The following SIPA1L3 variants were observed in gnomAD, a reference collection of about 807,000 sequenced individuals.
SIPA1L3 encodes the protein signal induced proliferation associated 1 like 3.
In SIPA1L3, 59 loss-of-function variants were observed where a neutral mutation model predicts 150.1. The ratio of observed to expected loss-of-function variants is 0.39; its 90% confidence interval spans 0.32 to 0.49. SIPA1L3 has a LOEUF of 0.49. SIPA1L3 is among the 20% of genes least tolerant of loss of function. The pLI, the probability that SIPA1L3 is intolerant of heterozygous loss-of-function variation, is 0.86. For synonymous variants in SIPA1L3, 1,070 were observed against 1,077.6 expected (o/e 0.99, Z 0.14); for missense variants, 2,211 against 2,489.5 (o/e 0.89, Z 2.38).
intron 1 of SIPA1L3, among the ~76,000 whole-genome samples, chr19:37,929,682 C>A (rs2046535830): frequency 6.6e-6 from 1 of 152,174 alleles, no homozygotes; most frequent in Admixed American, 6.5e-5. Flanking sequence ...TCCTCCTACC[C>A]TTCCTTGCAA....
In SIPA1L3 at chr19:38,194,354, C is replaced by G. The variant is rs553648493; in HGVS notation, c.4840+574C>G. Among the ~76,000 whole-genome samples the G allele has an allele frequency of 1.2e-3, 185 of 150,566 alleles. 3 individuals carry two copies. Among genetic ancestry groups the G allele is most frequent in the East Asian group, 8.2e-3 (41 of 4,986 alleles). On this transcript the variant is annotated intron_variant, in intron 18 of 21. Coordinates refer to ENST00000222345, the MANE Select transcript of SIPA1L3 (RefSeq NM_015073.3). ...GCCCCAGATGCACCCTGTAACCCCC[C>G]TTACCCACCTCCTAACCCCCCCACA...
intron 14 of SIPA1L3, 152 bp downstream of exon 14, chr19:38,162,523 C>T (rs1220777589): frequency 1.5e-6 from 1 of 647,808 alleles, no homozygotes; most frequent in Non-Finnish European, 2.8e-6. Flanking sequence ...CAACCAGGTT[C>T]ACATTCTGGC....
intron 9 of SIPA1L3, 140 bp downstream of exon 9, chr19:38,120,022 A>C: frequency 1.6e-6 from 1 of 623,706 alleles, no homozygotes; most frequent in Non-Finnish European, 2.7e-6. Flanking sequence ...CTTACAAACT[A>C]GACATCTTGT....
chr19:38,154,196 G>A (rs1000393461), intron 13 of SIPA1L3, among the ~76,000 whole-genome samples: 1 of 152,214 alleles, frequency 6.6e-6, no homozygotes, highest in Non-Finnish European at 1.5e-5. Context: ...ATTTGTGACA[G>A]CCAGCCAGTG....
Position 38,162,281 on chromosome 19 carries a change from C to G in SIPA1L3, c.3690C>G (p.Ala1230=). 1 of 1,614,236 alleles carries G rather than the reference C, an allele frequency of 6.2e-7. No individual in the cohort carries two copies. The highest frequency in any genetic ancestry group is 1.3e-5 in the African/African-American group (1 of 75,074). Residue 1230 remains alanine (A), a synonymous_variant, in exon 14 of 22, where the codon GCC becomes GCG. Transcript: ENST00000222345. ...CTTTGTGGCATGTGCCTGCCCAGGC[C>G]AGGCTCTCAGCCATAGCCGGAAGCA... The part of the protein sequence containing the change: ...PEPLWHVPAQ[A]RLSAIAGSSG...
At chr19:38,039,280 TG>T (rs1434625148) in intron 2 of SIPA1L3, among the ~76,000 whole-genome samples, 6 of 152,132 alleles carry the variant, frequency 3.9e-5, no homozygotes, top group African/African-American at 1.4e-4. Flanking sequence ...TGAGCTGGTG[TG>T]TGTCTTCCAG....
rs546600238 is a variant in SIPA1L3 at position 38,106,728 on chromosome 19, T to C, written c.2133+88T>C. On this transcript the variant is annotated intron_variant, in intron 7 of 21. Coordinates refer to ENST00000222345, the MANE Select transcript of SIPA1L3 (RefSeq NM_015073.3). ...CCTCCCAGTTCTGTCCTGTGGATCA[T>C]ATGGAGGCCCTTGACCTTGGAGGCC... The C allele has an allele frequency of 5.0e-5, 44 of 880,666 alleles. No homozygotes were observed. The East Asian group carries it at 1.1e-3, about 21-fold the overall frequency. The allele number at this position is 880,666 out of a possible 1,614,324, so 54.6% of individuals were successfully genotyped here. A position where few individuals can be genotyped will look rare whatever the true frequency, so the allele number is the denominator to read the frequency against.
chr19:38,095,359 A>G (rs776421149), intron 4 of SIPA1L3, among the ~76,000 whole-genome samples: 3 of 152,226 alleles, frequency 2.0e-5, no homozygotes, highest in Non-Finnish European at 4.4e-5. Flanking sequence ...TAGAGCTAGA[A>G]TTCAAACCCA....
intron 1 of SIPA1L3, among the ~76,000 whole-genome samples, chr19:38,019,497 G>C (rs1968317742): frequency 6.6e-6 from 1 of 152,166 alleles, no homozygotes; most frequent in Non-Finnish European, 1.5e-5. Flanking sequence ...ACCTTGCATT[G>C]GCCAGGCTGG....
intron 16 of SIPA1L3, among the ~76,000 whole-genome samples, chr19:38,191,436 C>T (rs148196138): frequency 6.6e-6 from 1 of 151,534 alleles, no homozygotes; most frequent in African/African-American, 2.4e-5. Flanking sequence ...AACACACACA[C>T]ACAAATGACT....
intron 2 of SIPA1L3, among the ~76,000 whole-genome samples, chr19:38,063,183 C>T (rs907371736): frequency 3.3e-5 from 5 of 152,194 alleles, no homozygotes; most frequent in African/African-American, 1.2e-4. Context: ...TTACTGCCAG[C>T]AGCTGGGTTT....
At chr19:38,183,342 G>T (rs531091637) in intron 16 of SIPA1L3, among the ~76,000 whole-genome samples, 1 of 151,982 alleles carries the variant, frequency 6.6e-6, no homozygotes, top group Admixed American at 6.5e-5. Context: ...AGGCGCAGAC[G>T]AAGGGGCGGG....
At chr19:38,143,542 CTTTTTTTTTTTT>C (rs10669806) in intron 12 of SIPA1L3, among the ~76,000 whole-genome samples, 3 of 79,978 alleles carry the variant, frequency 3.8e-5, no homozygotes, top group South Asian at 1.0e-3. Context: ...CTTTCTGTGT[CTTTTTTTTTTTT>C]TTTTTTTTTT....
At chr19:38,176,189 T>G (rs1568593364) in intron 15 of SIPA1L3, among the ~76,000 whole-genome samples, 1 of 152,024 alleles carries the variant, frequency 6.6e-6, no homozygotes, top group Non-Finnish European at 1.5e-5. Context: ...TTTTTTTTTT[T>G]TCAAGTACAG....
intron 1 of SIPA1L3, among the ~76,000 whole-genome samples, chr19:37,982,866 A>C (rs1395232382): frequency 6.6e-6 from 1 of 152,124 alleles, no homozygotes; most frequent in Non-Finnish European, 1.5e-5. Context: ...AAGCAGGGGC[A>C]TCTTTGTCCA....
chr19:38,138,910 A>AAAAAAAAAAACAAAAAC (rs1343348254), intron 10 of SIPA1L3, among the ~76,000 whole-genome samples: 30 of 112,852 alleles, frequency 2.7e-4, no homozygotes, highest in African/African-American at 6.9e-4. Flanking sequence ...AAAAAAAAAA[A>AAAAAAAAAAACAAAAAC]AAAAACTGAG....
At chr19:37,923,163 G>A (rs577231403) in intron 1 of SIPA1L3, among the ~76,000 whole-genome samples, 49 of 151,828 alleles carry the variant, frequency 3.2e-4, no homozygotes, top group South Asian at 2.1e-3. Flanking sequence ...AGTACAACAC[G>A]CACCGTGTCA....
chr19:37,981,402 G>A (rs978713769), intron 1 of SIPA1L3, among the ~76,000 whole-genome samples: 2 of 147,870 alleles, frequency 1.4e-5, no homozygotes, highest in Non-Finnish European at 3.0e-5. Context: ...CCAGTCTGGC[G>A]ACAGAGGGAG....
chr19:38,092,139 T>A (rs1600055797), intron 4 of SIPA1L3, among the ~76,000 whole-genome samples: 1 of 150,960 alleles, frequency 6.6e-6, no homozygotes, highest in African/African-American at 2.4e-5. Flanking sequence ...CATTTTGGGG[T>A]AAGAGGTTAA....
Sources: allele counts gnomAD v4.1 joint callset (sites outside exome capture counted in the v4.1 genomes callset), GRCh38; gene constraint gnomAD v4.1.1; transcripts MANE v1.5; gene names NCBI Gene and HGNC (gene_info 2026-07-23, HGNC 2026-07-21).